MUC4: variants seen among roughly 807,000 people sequenced by gnomAD.
MUC4 encodes mucin 4, cell surface associated.
MUC4 carries 202 observed loss-of-function variants against 257.9 expected under a neutral mutation model. That is an observed-to-expected ratio of 0.78 (90% CI 0.70 to 0.88). The LOEUF is 0.88. Ranked by LOEUF, MUC4 falls within the 40% of genes least tolerant of loss-of-function variation. The pLI is 0.00. For synonymous variants in MUC4, 2,351 were observed against 2,757.1 expected, an observed-to-expected ratio of 0.85 and a Z score of 4.62; for missense variants, 5,976 against 6,513.7, an observed-to-expected ratio of 0.92 and a Z score of 2.84.
rs765029904 is a variant in MUC4 at position 195,750,901 on chromosome 3, C to T, written c.15859G>A (p.Asp5287Asn). 9.9e-6 allele frequency: 16 copies of T among 1,613,316 alleles called. No homozygotes were observed. The highest frequency in any genetic ancestry group is 2.7e-5 in the African/African-American group (2 of 74,870). ...TGGACGGACTCACGGGCTGTCACAT[C>T]GCGCACGTCTTCCCCGGAGATGGGC... Reference protein sequence around the residue: ...FQPISGEDVRDVTALNVSTLK... With the variant: ...FQPISGEDVRNVTALNVSTLK... The change falls in exon 23 of 25, where the codon GAT becomes AAT. Residue 5287 changes from aspartate (D) to asparagine (N), a missense_variant. Physicochemically the swap from Asp to Asn is conservative, Grantham distance 23 (BLOSUM62 1). Coordinates refer to ENST00000463781, the MANE Select transcript of MUC4 (RefSeq NM_018406.7).
chr3:195,773,129 CCCCTCT>C (rs1723477901), intron 4 of MUC4, among the ~76,000 whole-genome samples: 1 of 150,096 alleles, frequency 6.7e-6, no homozygotes. Flanking sequence ...GTGTAGACAC[CCCCTCT>C]CCATCGCTCA....
At chr3:195,770,860 C>T (rs1196693300) in intron 5 of MUC4, 1 of 458,602 alleles carries the variant, frequency 2.2e-6, no homozygotes, top group African/African-American at 2.0e-5. Context: ...TCTTGACTCA[C>T]TCTTGTTAGG....
rs1733855126 is a variant in MUC4 at position 195,791,456 on chromosome 3, C to A, written c.124G>T (p.Ala42Ser). ...GTTGAGCCTGTTGAGGTGACTGGGGCAGCAGTTTTACTTCCAGTTATTAAT... is the reference window on the plus strand; with the variant it reads ...GTTGAGCCTGTTGAGGTGACTGGGGAAGCAGTTTTACTTCCAGTTATTAAT... Reference protein sequence around the residue: ...DTLITGSKTAAPVTSTGSTTA... With the variant: ...DTLITGSKTASPVTSTGSTTA... Residue 42 changes from alanine (A) to serine (S), a missense_variant, in exon 2 of 25, where the codon GCC becomes TCC. Physicochemically the swap from Ala to Ser is moderately conservative, Grantham distance 99. Coordinates refer to ENST00000463781, the MANE Select transcript of MUC4 (RefSeq NM_018406.7). 6.2e-7 allele frequency: 1 copy of A among 1,613,726 alleles called. No homozygotes were observed. Among genetic ancestry groups the A allele is most frequent in the African/African-American group, 1.3e-5 (1 of 74,870 alleles).
chr3:195,770,412 C>G (rs763341806), intron 5 of MUC4, 41 bp from the exon 6 acceptor site: 1 of 1,610,544 alleles, frequency 6.2e-7, no homozygotes, highest in Non-Finnish European at 8.5e-7. Context: ...AACGAGGGTC[C>G]CACTCCTACA....
chr3:195,767,868 CCACCACCAT>C lies in MUC4; in HGVS notation c.13530-1126_13530-1118del, dbSNP rs1270857713. On this transcript the variant is annotated intron_variant, in intron 7 of 24. Coordinates refer to ENST00000463781, the MANE Select transcript of MUC4 (RefSeq NM_018406.7). ...ACCATCGCCACCATCACCCCCAACA[CCACCACCAT>C]CACCACCATCACCACCACCATCACC... 6.3e-4 allele frequency among the ~76,000 whole-genome samples: 90 copies of C among 142,356 alleles called. 1 individual carries two copies. Among genetic ancestry groups the C allele is most frequent in the African/African-American group, 2.2e-3 (74 of 34,266 alleles). The allele number at this position is 142,356 out of a possible 152,430, so 93.4% of individuals were successfully genotyped here. A position where few individuals can be genotyped will look rare whatever the true frequency, so the allele number is the denominator to read the frequency against.
rs55919005 is a variant in MUC4, at chr3:195,758,726, C to CT, written c.14986+397dup. ...TACAGGCATGCACCACCATGCCTGG[C>CT]TTTTTTTTTTTTTTTTGTATTTTTA... On this transcript the variant is annotated intron_variant, in intron 17 of 24. Transcript: ENST00000463781. 7.8e-3 allele frequency among the ~76,000 whole-genome samples: 1,050 copies of CT among 135,150 alleles called. 8 individuals carry two copies. The highest frequency in any genetic ancestry group is 0.019 in the African/African-American group (705 of 36,558). The allele number at this position is 135,150 out of a possible 152,430, so 88.7% of individuals were successfully genotyped here. A position where few individuals can be genotyped will look rare whatever the true frequency, so the allele number is the denominator to read the frequency against.
chr3:195,752,952 G>C, intron 20 of MUC4, 99 bp downstream of exon 20: 1 of 1,099,132 alleles, frequency 9.1e-7, no homozygotes, highest in Non-Finnish European at 1.3e-6. Context: ...TGTGACCCCA[G>C]AGCTTCCTCA....
At position 195,747,490 on chromosome 3, in the gene MUC4, C is replaced by T. The variant is rs555616760; in HGVS notation, c.16035-110G>A. On this transcript the variant is annotated intron_variant, in intron 24 of 24. Coordinates refer to ENST00000463781, the MANE Select transcript of MUC4 (RefSeq NM_018406.7). ...TCTGTAGGAGAGGCTGGGCTCGCCCCACTCTCCGGAGAGACTGAGTCAGCC... is the reference window on the plus strand; with the variant it reads ...TCTGTAGGAGAGGCTGGGCTCGCCCTACTCTCCGGAGAGACTGAGTCAGCC... The T allele has an allele frequency of 5.5e-6, 7 of 1,267,106 alleles. No homozygotes were observed. In the African/African-American group the frequency reaches 1.0e-4, roughly 19 times the overall value. The allele number at this position is 1,267,106 out of a possible 1,614,324, so 78.5% of individuals were successfully genotyped here.
chr3:195,777,674 CCCATACCTTCCACAT>C (rs1725197560), intron 3 of MUC4, among the ~76,000 whole-genome samples: 2 of 36,904 alleles, frequency 5.4e-5, no homozygotes. Flanking sequence ...ACCTTCCACA[CCCATACCTTCCACAT>C]CCATACCTTC....
intron 23 of MUC4, chr3:195,749,859 T>C (rs2148746904): frequency 6.6e-6 from 1 of 152,410 alleles, no homozygotes; most frequent in East Asian, 1.9e-4. Flanking sequence ...TACAGGGTTT[T>C]TTTCCTCTTT....
chr3:195,786,455 G>T lies in MUC4; in HGVS notation c.5125C>A (p.Gln1709Lys). 2.6e-6 allele frequency: 4 copies of T among 1,526,810 alleles called. No homozygotes were observed. The highest frequency in any genetic ancestry group is 2.4e-5 in the South Asian group (2 of 83,018). The allele number at this position is 1,526,810 out of a possible 1,614,324, so 94.6% of individuals were successfully genotyped here. The change falls in exon 2 of 25, where the codon CAG becomes AAG. Residue 1709 changes from glutamine (Q) to lysine (K), a missense_variant. Physicochemically the swap from Gln to Lys is moderately conservative, Grantham distance 53. Around this residue, in one of 44 missense-constraint regions of MUC4, gnomAD observed 138 missense variants for 107.8 expected, o/e 1.28. Coordinates refer to ENST00000463781, the MANE Select transcript of MUC4 (RefSeq NM_018406.7). Reference protein sequence around the residue: ...VTDVSSASTGQATPLPVTSLS... With the variant: ...VTDVSSASTGKATPLPVTSLS... ...CTGGTGACAGGAAGAGGGGTGGCCTGACCTGTGGATGCCGAGGAAACGTCG... is the reference window on the plus strand; with the variant it reads ...CTGGTGACAGGAAGAGGGGTGGCCTTACCTGTGGATGCCGAGGAAACGTCG...
At chr3:195,762,352 C>G in intron 13 of MUC4, 98 bp from the exon 14 acceptor site, 2 of 1,335,478 alleles carry the variant, frequency 1.5e-6, no homozygotes, top group Non-Finnish European at 2.0e-6. Flanking sequence ...CACCCCGCCC[C>G]TGGGGCTGAA....
intron 23 of MUC4, chr3:195,750,446 G>A (rs1716170832): frequency 4.3e-6 from 1 of 230,556 alleles, no homozygotes; most frequent in South Asian, 5.6e-5. Flanking sequence ...GGCCTGGCCT[G>A]GGGAAGGTGC....
intron 6 of MUC4, 143 bp downstream of exon 6, chr3:195,770,073 G>C (rs551119031): frequency 2.2e-5 from 19 of 845,948 alleles, no homozygotes; most frequent in Admixed American, 3.5e-5. Context: ...TGGTGGCAGT[G>C]GGGGGGTGGC....
chr3:195,798,907 C>G (rs1191192595), intron 1 of MUC4, among the ~76,000 whole-genome samples: 1 of 152,038 alleles, frequency 6.6e-6, no homozygotes, highest in Non-Finnish European at 1.5e-5. Context: ...CCTACAAGAG[C>G]TGGCTCAGGG....
chr3:195,811,896 C>G lies in MUC4; in HGVS notation c.-79G>C. The G allele has an allele frequency of 7.0e-7, 1 of 1,425,916 alleles. No homozygotes were observed. 88.3% of individuals were successfully genotyped at this position (1,425,916 alleles called of 1,614,324 possible). A position where few individuals can be genotyped will look rare whatever the true frequency, so the allele number is the denominator to read the frequency against. Reference sequence around the variant, plus strand: ...TGCAGTGTGAGGAGCAGACGTGAGCCCGTCCCCTCAGGCGGCTGGCCCGAA... The same window carrying G: ...TGCAGTGTGAGGAGCAGACGTGAGCGCGTCCCCTCAGGCGGCTGGCCCGAA... On this transcript the variant is annotated 5_prime_UTR_variant, in exon 1 of 25. Transcript: ENST00000463781.
chr3:195,779,394 G>T lies in MUC4; in HGVS notation c.12186C>A (p.Ala4062=). Residue 4062 remains alanine (A), a synonymous_variant, in exon 2 of 25, where the codon GCC becomes GCA. Coordinates refer to ENST00000463781, the MANE Select transcript of MUC4 (RefSeq NM_018406.7). ...AAGGGCTGGTGACATGAAGAGGGGT[G>T]GCGTGACCTGTGGATAATGAGGAAG... ...TNASSLSTGH[A]TPLHVTSPSS... 1 of 1,253,614 alleles carries T rather than the reference G, an allele frequency of 8.0e-7. No homozygotes were observed. The highest frequency in any genetic ancestry group is 1.1e-6 in the Non-Finnish European group (1 of 933,774). The allele number at this position is 1,253,614 out of a possible 1,614,324, so 77.7% of individuals were successfully genotyped here.
chr3:195,778,428 T>C lies in MUC4; in HGVS notation c.12818A>G (p.Asp4273Gly). The C allele has an allele frequency of 6.2e-7, 1 of 1,612,956 alleles. No homozygotes were observed. ...TGATGTGGCTGTGCGTCTCCCACCG[T>C]CTGTCTTCAGTGACGGTGTTGTCAT... Reference protein sequence around the residue: ...PGMTTPSLKTDGGRRTATSPP... With the variant: ...PGMTTPSLKTGGGRRTATSPP... The change falls in exon 3 of 25, where the codon GAC becomes GGC. Residue 4273 changes from aspartate (D) to glycine (G), a missense_variant. Asp to Gly is a moderately conservative substitution (Grantham distance 94, BLOSUM62 -1). Coordinates refer to ENST00000463781, the MANE Select transcript of MUC4 (RefSeq NM_018406.7).
rs534667736 is a variant in MUC4, at chr3:195,811,823, C to T, written c.-6G>A. The T allele has an allele frequency of 3.7e-5, 60 of 1,613,346 alleles. No homozygotes were observed. Among genetic ancestry groups the T allele is most frequent in the Non-Finnish European group, 4.1e-5 (48 of 1,179,666 alleles). On this transcript the variant is annotated 5_prime_UTR_variant, in exon 1 of 25. Coordinates refer to ENST00000463781, the MANE Select transcript of MUC4 (RefSeq NM_018406.7). Reference sequence around the variant, plus strand: ...CTCCAGCGTGCCCCCTTCATGGCTGCGGCAAAAGTCCCCCTGGCTCCCTGG... The same window carrying T: ...CTCCAGCGTGCCCCCTTCATGGCTGTGGCAAAAGTCCCCCTGGCTCCCTGG...
Sources: allele counts gnomAD v4.1 joint callset (sites outside exome capture counted in the v4.1 genomes callset), GRCh38; gene constraint gnomAD v4.1.1; regional missense constraint gnomAD v4.1.1; transcripts MANE v1.5; gene names NCBI Gene and HGNC (gene_info 2026-07-23, HGNC 2026-07-21).